The following SCAPER variants were observed in gnomAD, a reference collection of about 807,000 sequenced individuals.
The protein encoded by SCAPER is S phase cyclin A-associated protein in the endoplasmic reticulum.
In SCAPER, 98 loss-of-function variants were observed where a neutral mutation model predicts 182.2. The ratio of observed to expected loss-of-function variants is 0.54; its 90% CI spans 0.46 to 0.64. The LOEUF (loss-of-function observed/expected upper bound fraction) is 0.64. Among genes scored for constraint, SCAPER ranks in the 30% least tolerant of loss-of-function variants. SCAPER has a pLI of 0.00. For synonymous variants in SCAPER, 605 were observed against 564.6 expected (o/e 1.07, Z -1.01); for missense variants, 1,432 against 1,690.0 (o/e 0.85, Z 2.68).
chr15:76,429,823 T>C (rs2046741037), intron 26 of SCAPER, among the ~76,000 whole-genome samples: 1 of 152,194 alleles, frequency 6.6e-6, no homozygotes, highest in African/African-American at 2.4e-5. Context: ...TTTGCATAAG[T>C]AACAAGGAAC....
intron 4 of SCAPER, among the ~76,000 whole-genome samples, chr15:76,851,590 A>G (rs1186188851): frequency 1.3e-5 from 2 of 152,174 alleles, no homozygotes; most frequent in Non-Finnish European, 2.9e-5. Flanking sequence ...GCCAAACTAA[A>G]CTTGGTAAGC....
At chr15:76,759,620 T>C (rs896984554) in intron 14 of SCAPER, among the ~76,000 whole-genome samples, 2 of 152,200 alleles carry the variant, frequency 1.3e-5, no homozygotes, top group Non-Finnish European at 2.9e-5. Flanking sequence ...TTGGCCTATA[T>C]TGTGTGGAGT....
intron 5 of SCAPER, among the ~76,000 whole-genome samples, chr15:76,806,779 C>G (rs940364027): frequency 6.6e-6 from 1 of 152,160 alleles, no homozygotes; most frequent in Non-Finnish European, 1.5e-5. Context: ...ACATCTTACA[C>G]TACTTTAAAT....
intron 8 of SCAPER, among the ~76,000 whole-genome samples, chr15:76,780,914 C>T (rs2064084356): frequency 6.6e-6 from 1 of 152,178 alleles, no homozygotes; most frequent in Non-Finnish European, 1.5e-5. Flanking sequence ...GTAGATAAAA[C>T]CACAAAGATG....
chr15:76,814,146 C>T (rs1232783479), intron 5 of SCAPER, among the ~76,000 whole-genome samples: 5 of 151,952 alleles, frequency 3.3e-5, no homozygotes, highest in Admixed American at 6.6e-5. Context: ...CCAGCCTGGG[C>T]GTCAAAGCGA....
intron 5 of SCAPER, among the ~76,000 whole-genome samples, chr15:76,805,195 T>A (rs1400400862): frequency 6.6e-6 from 1 of 152,334 alleles, no homozygotes; most frequent in East Asian, 1.9e-4. Flanking sequence ...ATTTGGGTTG[T>A]TTCTACTGTT....
chr15:76,714,330 G>C (rs1209079301), intron 17 of SCAPER, among the ~76,000 whole-genome samples: 1 of 152,116 alleles, frequency 6.6e-6, no homozygotes, highest in Non-Finnish European at 1.5e-5. Flanking sequence ...CCACAATAAA[G>C]TTGTGAAAAA....
intron 1 of SCAPER, among the ~76,000 whole-genome samples, chr15:76,901,322 T>C (rs2074766680): frequency 6.6e-6 from 1 of 152,242 alleles, no homozygotes; most frequent in African/African-American, 2.4e-5. Context: ...CTTCTATATA[T>C]ACTGCCATGA....
At position 76,756,811 on chromosome 15, in the gene SCAPER, A is replaced by G. The variant is rs1484808697; in HGVS notation, c.1726-2863T>C. Among the ~76,000 whole-genome samples, 4 of 152,204 alleles carry G rather than the reference A, an allele frequency of 2.6e-5. No individual in the cohort carries two copies. In the East Asian group the frequency reaches 7.7e-4, roughly 29 times the overall value. ...TAAGCATCACAACAGGTTAATAATT[A>G]TAATTGTCATTTTTCAGAAAAAGAA... On this transcript the variant is annotated intron_variant, in intron 14 of 31. Coordinates refer to ENST00000563290, the MANE Select transcript of SCAPER (RefSeq NM_020843.4).
At chr15:76,703,687 A>G (rs779541709) in intron 18 of SCAPER, among the ~76,000 whole-genome samples, 2 of 152,136 alleles carry the variant, frequency 1.3e-5, no homozygotes, top group Admixed American at 6.5e-5. Context: ...GACACTCCTC[A>G]TATTAGACTA....
At chr15:76,362,158 A>T (rs2041468939) in intron 29 of SCAPER, among the ~76,000 whole-genome samples, 1 of 151,922 alleles carries the variant, frequency 6.6e-6, no homozygotes, top group African/African-American at 2.4e-5. Context: ...TTTTTAGTAG[A>T]GACGGGGTTT....
At chr15:76,428,670 G>C (rs1386686447) in intron 26 of SCAPER, among the ~76,000 whole-genome samples, 4 of 151,580 alleles carry the variant, frequency 2.6e-5, no homozygotes, top group South Asian at 2.1e-4. Context: ...AAGAGAGGTT[G>C]GTCAATGGGT....
At chr15:76,368,527 C>T (rs866757567) in intron 29 of SCAPER, among the ~76,000 whole-genome samples, 39 of 152,342 alleles carry the variant, frequency 2.6e-4, no homozygotes, top group African/African-American at 7.5e-4. Flanking sequence ...CCAAGTTTCA[C>T]GAGCTTCGCT....
At chr15:76,422,756 T>G (rs1308753709) in intron 26 of SCAPER, among the ~76,000 whole-genome samples, 1 of 152,244 alleles carries the variant, frequency 6.6e-6, no homozygotes, top group South Asian at 2.1e-4. Context: ...GGCTGTGGGT[T>G]TGCCATAGAT....
At chr15:76,588,207 C>G (rs1423152326) in intron 22 of SCAPER, among the ~76,000 whole-genome samples, 1 of 152,214 alleles carries the variant, frequency 6.6e-6, no homozygotes, top group African/African-American at 2.4e-5. Flanking sequence ...CAGGCGTGAG[C>G]CACCGCGCCC....
intron 20 of SCAPER, among the ~76,000 whole-genome samples, chr15:76,694,148 TGG>T (rs1167884137): frequency 6.6e-6 from 1 of 152,024 alleles, no homozygotes; most frequent in African/African-American, 2.4e-5. Context: ...GAAATTTTGA[TGG>T]GGATTACATT....
chr15:76,883,866 G>C lies in SCAPER; in HGVS notation c.-49C>G. On this transcript the variant is annotated 5_prime_UTR_variant, in exon 2 of 32. Coordinates refer to ENST00000563290, the MANE Select transcript of SCAPER (RefSeq NM_020843.4). ...AGATCATTTATCACATAAACCCATGGAGTATGACTCCTACAATAAAAAATA... is the reference window on the plus strand; with the variant it reads ...AGATCATTTATCACATAAACCCATGCAGTATGACTCCTACAATAAAAAATA... 7.3e-7 allele frequency: 1 copy of C among 1,372,634 alleles called. No homozygotes were observed. The highest frequency in any genetic ancestry group is 1.4e-5 in the South Asian group (1 of 72,064). 85.0% of individuals were successfully genotyped at this position (1,372,634 alleles called of 1,614,324 possible).
intron 21 of SCAPER, among the ~76,000 whole-genome samples, chr15:76,640,708 A>G (rs2054031328): frequency 6.6e-6 from 1 of 152,234 alleles, no homozygotes; most frequent in Non-Finnish European, 1.5e-5. Flanking sequence ...ATCAGAGAAA[A>G]GGGGGAGATG....
intron 23 of SCAPER, among the ~76,000 whole-genome samples, chr15:76,525,675 C>G (rs1302699365): frequency 2.0e-5 from 3 of 152,066 alleles, no homozygotes; most frequent in African/African-American, 4.8e-5. Flanking sequence ...CATGTTGTTG[C>G]AAAGGACATG....
Sources: allele counts gnomAD v4.1 joint callset (sites outside exome capture counted in the v4.1 genomes callset), GRCh38; gene constraint gnomAD v4.1.1; transcripts MANE v1.5; gene names NCBI Gene and HGNC (gene_info 2026-07-23, HGNC 2026-07-21).